The following STAT4 variants were observed in gnomAD, a reference collection of about 807,000 sequenced individuals.
STAT4 encodes the protein signal transducer and activator of transcription 4.
STAT4 carries 42 observed loss-of-function variants against 110.5 expected under a neutral mutation model. The observed-to-expected ratio is 0.38, with a 90% CI of 0.30 to 0.49. The LOEUF is 0.49. Ranked by LOEUF, STAT4 falls within the 20% of genes least tolerant of loss-of-function variation. The probability of loss-of-function intolerance (pLI) is 0.95; values close to 1 mark genes in which losing one functional copy is unlikely to be tolerated. For synonymous variants in STAT4, 284 were observed against 302.2 expected (o/e 0.94, Z 0.63); for missense variants, 632 against 887.9 (o/e 0.71, Z 3.66).
At chr2:191,106,588 G>A (rs1377209175) in intron 3 of STAT4, among the ~76,000 whole-genome samples, 2 of 151,362 alleles carry the variant, frequency 1.3e-5, no homozygotes, top group African/African-American at 2.4e-5. Flanking sequence ...CCTGGGAGGC[G>A]GAGGTTGCAG....
Position 191,144,943 on chromosome 2 carries a change from A to C in STAT4, c.273+1670T>G, listed in dbSNP as rs1699425071. ...CATTTGAGAGTCAGATTTTTAACCC[A>C]GACCTTCTTGGTTCCAAAGACCATG... On this transcript the variant is annotated intron_variant, in intron 3 of 23. Coordinates refer to ENST00000392320, the MANE Select transcript of STAT4 (RefSeq NM_003151.4). The surrounding 1 kb of genome is among the most constrained non-coding windows in gnomAD (Gnocchi z 4.7). 6.6e-6 allele frequency among the ~76,000 whole-genome samples: 1 copy of C among 152,176 alleles called. No homozygotes were observed. The highest frequency in any genetic ancestry group is 1.5e-5 in the Non-Finnish European group (1 of 68,030).
At chr2:191,085,258 C>G (rs1228889395) in intron 3 of STAT4, among the ~76,000 whole-genome samples, 2 of 151,860 alleles carry the variant, frequency 1.3e-5, no homozygotes, top group Non-Finnish European at 2.9e-5. Flanking sequence ...GTATTTAAAA[C>G]CTTTCATATT....
At chr2:191,130,643 T>C (rs1699010855) in intron 3 of STAT4, among the ~76,000 whole-genome samples, 1 of 151,790 alleles carries the variant, frequency 6.6e-6, no homozygotes. Flanking sequence ...CCCGTATTTC[T>C]AAAATCTAAG....
intron 4 of STAT4, chr2:191,075,929 C>A (rs1014892689): frequency 4.4e-6 from 1 of 227,584 alleles, no homozygotes; most frequent in African/African-American, 2.3e-5. Flanking sequence ...TAGCTCACTG[C>A]AACCTTGAAC....
intron 3 of STAT4, among the ~76,000 whole-genome samples, chr2:191,134,473 C>T (rs1699125384): frequency 6.6e-6 from 1 of 152,188 alleles, no homozygotes; most frequent in African/African-American, 2.4e-5. Context: ...TGCTGCCACC[C>T]CTGGGGCCTA....
chr2:191,113,230 T>C lies in STAT4; in HGVS notation c.273+33383A>G, dbSNP rs181077604. 1.2e-4 allele frequency among the ~76,000 whole-genome samples: 19 copies of C among 152,380 alleles called. No individual in the cohort carries two copies. The highest frequency in any genetic ancestry group is 4.6e-4 in the African/African-American group (19 of 41,598). ...CTCATTCATTTGTTCCACAAATTTGTACTGAACAGCAATTATTGCCAGGCA... is the reference window on the plus strand; with the variant it reads ...CTCATTCATTTGTTCCACAAATTTGCACTGAACAGCAATTATTGCCAGGCA... On this transcript the variant is annotated intron_variant, in intron 3 of 23. Coordinates refer to ENST00000392320, the MANE Select transcript of STAT4 (RefSeq NM_003151.4). The surrounding 1 kb of genome is among the most constrained non-coding windows in gnomAD (Gnocchi z 4.8).
chr2:191,070,632 G>C (rs951601458), intron 5 of STAT4, among the ~76,000 whole-genome samples: 1 of 152,124 alleles, frequency 6.6e-6, no homozygotes, highest in Non-Finnish European at 1.5e-5. Context: ...ATTCCAAGAA[G>C]TCTTCTCTAA....
chr2:191,054,647 G>A, intron 13 of STAT4, 113 bp from the exon 14 acceptor site: 2 of 847,744 alleles, frequency 2.4e-6, no homozygotes, highest in Non-Finnish European at 3.8e-6. Flanking sequence ...TTCTAGAACA[G>A]CAACATATTT....
intron 3 of STAT4, among the ~76,000 whole-genome samples, chr2:191,109,872 C>T (rs1698379097): frequency 6.6e-6 from 1 of 152,154 alleles, no homozygotes; most frequent in Non-Finnish European, 1.5e-5. Flanking sequence ...CTGGCAACTG[C>T]GTTGGGCAAC....
At chr2:191,124,121 A>G (rs921986705) in intron 3 of STAT4, among the ~76,000 whole-genome samples, 5 of 152,212 alleles carry the variant, frequency 3.3e-5, no homozygotes, top group Non-Finnish European at 5.9e-5. Context: ...CAATAAGGCA[A>G]TATTCATATT....
At chr2:191,085,660 T>C (rs918379901) in intron 3 of STAT4, among the ~76,000 whole-genome samples, 1 of 152,190 alleles carries the variant, frequency 6.6e-6, no homozygotes, top group African/African-American at 2.4e-5. Flanking sequence ...TCAAAATTGG[T>C]TCAAAGTCAT....
At chr2:191,129,570 T>C (rs565371004) in intron 3 of STAT4, among the ~76,000 whole-genome samples, 5 of 152,268 alleles carry the variant, frequency 3.3e-5, no homozygotes, top group African/African-American at 4.8e-5. Flanking sequence ...TCCATGGTAA[T>C]AGAAAAAGAC....
In STAT4 at chr2:191,066,993, A is replaced by G. The variant is rs1174033817; in HGVS notation, c.545-478T>C. On this transcript the variant is annotated intron_variant, in intron 6 of 23. Transcript: ENST00000392320. The surrounding 1 kb of genome is among the most constrained non-coding windows in gnomAD (Gnocchi z 4.3). ...ATGAGAAACTGCCTGATAGAGTTACAGTCTTATCTACCTAGTCTCATGAAC... is the reference window on the plus strand; with the variant it reads ...ATGAGAAACTGCCTGATAGAGTTACGGTCTTATCTACCTAGTCTCATGAAC... Among the ~76,000 whole-genome samples the G allele has an allele frequency of 6.6e-6, 1 of 151,496 alleles. No homozygotes were observed. Among genetic ancestry groups the G allele is most frequent in the Non-Finnish European group, 1.5e-5 (1 of 67,956 alleles).
chr2:191,136,029 AAC>A lies in STAT4; in HGVS notation c.273+10582_273+10583del. Among the ~76,000 whole-genome samples the A allele has an allele frequency of 1.3e-5, 2 of 151,752 alleles. 1 individual carries two copies. The highest frequency in any genetic ancestry group is 4.8e-5 in the African/African-American group (2 of 41,292). Reference sequence around the variant, plus strand: ...AGAAAAAAAAAAAAAAAAACCAAAAAACAAAAAACCAATGTGATCAAGTGGGA... The same window carrying A: ...AGAAAAAAAAAAAAAAAAACCAAAAAAAAAAACCAATGTGATCAAGTGGGA... On this transcript the variant is annotated intron_variant, in intron 3 of 23. Transcript: ENST00000392320.
intron 3 of STAT4, among the ~76,000 whole-genome samples, chr2:191,095,996 C>A (rs1388053232): frequency 3.3e-5 from 5 of 152,154 alleles, no homozygotes; most frequent in African/African-American, 1.2e-4. Flanking sequence ...AACACCTCTA[C>A]ACAAATGAAC....
chr2:191,114,044 T>C (rs1230539826), intron 3 of STAT4, among the ~76,000 whole-genome samples: 1 of 152,208 alleles, frequency 6.6e-6, no homozygotes, highest in African/African-American at 2.4e-5. Flanking sequence ...AAGCTGCTGT[T>C]ATAATTTAAT....
chr2:191,072,782 A>T (rs1004867811), intron 5 of STAT4, among the ~76,000 whole-genome samples: 1 of 152,208 alleles, frequency 6.6e-6, no homozygotes, highest in African/African-American at 2.4e-5. Context: ...GACAATAAAC[A>T]TTATGAACAA....
At chr2:191,094,771 C>T (rs1024380815) in intron 3 of STAT4, among the ~76,000 whole-genome samples, 1 of 151,920 alleles carries the variant, frequency 6.6e-6, no homozygotes, top group Admixed American at 6.6e-5. Flanking sequence ...GGACTGAATG[C>T]CACAGTTAAA....
In STAT4 at chr2:191,143,624, T is replaced by C. The variant is rs1181200621; in HGVS notation, c.273+2989A>G. Among the ~76,000 whole-genome samples the C allele has an allele frequency of 6.6e-6, 1 of 152,202 alleles. No homozygotes were observed. The highest frequency in any genetic ancestry group is 1.5e-5 in the Non-Finnish European group (1 of 68,036). On this transcript the variant is annotated intron_variant, in intron 3 of 23. Transcript: ENST00000392320. This position sits in a 1 kb window ranked among gnomAD's most constrained non-coding sequence, Gnocchi z 5.6. ...ATACTGAAACTAGAGATCTCAGCTGTTCTATAAAGAACCAAAATAAATCTA... is the reference window on the plus strand; with the variant it reads ...ATACTGAAACTAGAGATCTCAGCTGCTCTATAAAGAACCAAAATAAATCTA...
Sources: allele counts gnomAD v4.1 joint callset (sites outside exome capture counted in the v4.1 genomes callset), GRCh38; gene constraint gnomAD v4.1.1; non-coding constraint Gnocchi (gnomAD v3.1); transcripts MANE v1.5; gene names NCBI Gene and HGNC (gene_info 2026-07-23, HGNC 2026-07-21).